The following MCUB variants were observed in gnomAD, a reference collection of about 807,000 sequenced individuals.
MCUB encodes mitochondrial calcium uniporter dominant negative subunit beta.
Under a neutral mutation model 41.4 loss-of-function variants are expected in MCUB, and 46 were observed. The ratio of observed to expected loss-of-function variants is 1.11; its 90% CI spans 0.88 to 1.42. The LOEUF (loss-of-function observed/expected upper bound fraction) is 1.42, where lower values mean the gene tolerates loss of function less well. Ranked by LOEUF, MCUB falls within the 40% of genes most tolerant of loss-of-function variation. The pLI is 0.00. For synonymous variants in MCUB, 148 were observed against 148.2 expected, an observed-to-expected ratio of 1.00 and a Z score of 0.01; for missense variants, 403 against 404.9, an observed-to-expected ratio of 1.00 and a Z score of 0.04.
chr4:109,656,383 T>G lies in MCUB; in HGVS notation c.100-2628T>G, dbSNP rs1029699479. ...TTTTTTTTTTTTTTTTTTTTTTTTT[T>G]TTTTTTTTTGGAGACAGGGTTTCCC... On this transcript the variant is annotated intron_variant, in intron 1 of 7. Coordinates refer to ENST00000394650, the MANE Select transcript of MCUB (RefSeq NM_017918.5). Among the ~76,000 whole-genome samples, 25 of 31,218 alleles carry G rather than the reference T, an allele frequency of 8.0e-4. 1 individual carries two copies. The highest frequency in any genetic ancestry group is 4.7e-3 in the African/African-American group (25 of 5,306). 20.5% of individuals were successfully genotyped at this position (31,218 alleles called of 152,430 possible). A position where few individuals can be genotyped will look rare whatever the true frequency, so the allele number is the denominator to read the frequency against.
At chr4:109,607,226 TTTC>T (rs869031386) in intron 1 of MCUB, among the ~76,000 whole-genome samples, 1 of 150,474 alleles carries the variant, frequency 6.6e-6, no homozygotes, top group African/African-American at 2.4e-5. Flanking sequence ...TCTTTCTTTC[TTTC>T]TTTTCTTCTC....
At chr4:109,664,843 T>C (rs191470411) in intron 4 of MCUB, among the ~76,000 whole-genome samples, 2 of 152,276 alleles carry the variant, frequency 1.3e-5, no homozygotes, top group East Asian at 3.9e-4. Flanking sequence ...GATTTTACTT[T>C]AGGATCTTGA....
intron 1 of MCUB, among the ~76,000 whole-genome samples, chr4:109,614,467 G>A (rs1728084221): frequency 6.6e-6 from 1 of 151,790 alleles, no homozygotes; most frequent in African/African-American, 2.4e-5. Flanking sequence ...TCCTCTTTCT[G>A]CACTCCGCTA....
rs145354934 is a variant in MCUB at position 109,584,025 on chromosome 4, T to C, written c.99+23589T>C. 1.9e-3 allele frequency among the ~76,000 whole-genome samples: 297 copies of C among 152,328 alleles called. 2 individuals are homozygous for C. Among genetic ancestry groups the C allele is most frequent in the African/African-American group, 6.6e-3 (273 of 41,582 alleles). On this transcript the variant is annotated intron_variant, in intron 1 of 7. Coordinates refer to ENST00000394650, the MANE Select transcript of MCUB (RefSeq NM_017918.5). ...ATTGTAATAGTTTCAGAAGGAATGG[T>C]ACCAGCTCTTCTTTGTACCTCTGGT...
intron 1 of MCUB, among the ~76,000 whole-genome samples, chr4:109,617,600 A>C (rs1015506546): frequency 1.3e-5 from 2 of 152,204 alleles, no homozygotes; most frequent in African/African-American, 4.8e-5. Context: ...TCAAAGTATC[A>C]TTGTCATGAA....
rs373333512 is a variant in MCUB at position 109,653,147 on chromosome 4, C to T, written c.100-5864C>T. Reference sequence around the variant, plus strand: ...ATCCCAGCACTTTGGGAGGCTGAGGCGGGCGGATCGCGAGGTTAGGAGTTC... The same window carrying T: ...ATCCCAGCACTTTGGGAGGCTGAGGTGGGCGGATCGCGAGGTTAGGAGTTC... On this transcript the variant is annotated intron_variant, in intron 1 of 7. Coordinates refer to ENST00000394650, the MANE Select transcript of MCUB (RefSeq NM_017918.5). Among the ~76,000 whole-genome samples the T allele has an allele frequency of 2.3e-4, 35 of 152,188 alleles. No homozygotes were observed. The East Asian group carries it at 2.7e-3, about 12-fold the overall frequency.
chr4:109,628,769 T>C (rs1165073643), intron 1 of MCUB, among the ~76,000 whole-genome samples: 1 of 152,196 alleles, frequency 6.6e-6, no homozygotes, highest in Non-Finnish European at 1.5e-5. Flanking sequence ...TGAGCTTTTC[T>C]TGAGAGAGGG....
chr4:109,567,726 T>C (rs1221466338), intron 1 of MCUB, among the ~76,000 whole-genome samples: 1 of 150,380 alleles, frequency 6.6e-6, no homozygotes, highest in Non-Finnish European at 1.5e-5. Flanking sequence ...TGAGATGGAG[T>C]CTTGCTCTGT....
chr4:109,582,016 A>G (rs2126126818), intron 1 of MCUB, among the ~76,000 whole-genome samples: 1 of 152,298 alleles, frequency 6.6e-6, no homozygotes, highest in East Asian at 1.9e-4. Context: ...TGACCCAGCC[A>G]TCCCATTGCT....
At chr4:109,680,583 T>C (rs948433347) in intron 4 of MCUB, among the ~76,000 whole-genome samples, 1 of 151,282 alleles carries the variant, frequency 6.6e-6, no homozygotes, top group Non-Finnish European at 1.5e-5. Context: ...ACAAAAGGAC[T>C]CTGACTCTTC....
At chr4:109,630,006 C>G (rs1442851105) in intron 1 of MCUB, among the ~76,000 whole-genome samples, 1 of 152,186 alleles carries the variant, frequency 6.6e-6, no homozygotes. Context: ...TACCTAGGAG[C>G]TGGCAGCTAT....
At chr4:109,653,575 A>G in intron 1 of MCUB, among the ~76,000 whole-genome samples, 1 of 151,986 alleles carries the variant, frequency 6.6e-6, no homozygotes, top group Non-Finnish European at 1.5e-5. Context: ...AATTTAGGCT[A>G]TTAAGGTGGG....
At chr4:109,610,705 A>T (rs1727992060) in intron 1 of MCUB, among the ~76,000 whole-genome samples, 1 of 152,220 alleles carries the variant, frequency 6.6e-6, no homozygotes, top group African/African-American at 2.4e-5. Flanking sequence ...TTATGCGAAC[A>T]TCAGAGTGTA....
Position 109,641,384 on chromosome 4 carries a change from G to A in MCUB, c.100-17627G>A, listed in dbSNP as rs1243267231. Reference sequence around the variant, plus strand: ...CTCCCAAAGTGCTGGGATTACAGGCGTGAGTCACCGCACCCGGCCTAACAC... The same window carrying A: ...CTCCCAAAGTGCTGGGATTACAGGCATGAGTCACCGCACCCGGCCTAACAC... On this transcript the variant is annotated intron_variant, in intron 1 of 7. Coordinates refer to ENST00000394650, the MANE Select transcript of MCUB (RefSeq NM_017918.5). Among the ~76,000 whole-genome samples the A allele has an allele frequency of 2.6e-5, 4 of 151,566 alleles. No homozygotes were observed. The South Asian group carries it at 6.2e-4, about 24-fold the overall frequency.
At chr4:109,592,136 G>A (rs1214207176) in intron 1 of MCUB, among the ~76,000 whole-genome samples, 1 of 151,964 alleles carries the variant, frequency 6.6e-6, no homozygotes, top group Non-Finnish European at 1.5e-5. Context: ...GCTGGGCATG[G>A]TGACTCACGC....
chr4:109,576,787 T>C (rs1727041260), intron 1 of MCUB, among the ~76,000 whole-genome samples: 1 of 152,124 alleles, frequency 6.6e-6, no homozygotes, highest in Non-Finnish European at 1.5e-5. Flanking sequence ...ATGGGCAAGA[T>C]GAAGGGGTTG....
chr4:109,560,336 G>A lies in MCUB; in HGVS notation c.-2G>A. On this transcript the variant is annotated 5_prime_UTR_variant, in exon 1 of 8. Coordinates refer to ENST00000394650, the MANE Select transcript of MCUB (RefSeq NM_017918.5). ...CGGGAGCCGCGCGCCTGGGGCGGGA[G>A]GATGCTCCAGAGGGGCCTCTGGCCG... 3.2e-6 allele frequency: 4 copies of A among 1,261,278 alleles called. No individual in the cohort carries two copies. Among genetic ancestry groups the A allele is most frequent in the East Asian group, 3.2e-5 (1 of 31,468 alleles). The allele number at this position is 1,261,278 out of a possible 1,614,324, so 78.1% of individuals were successfully genotyped here.
intron 1 of MCUB, among the ~76,000 whole-genome samples, chr4:109,585,497 T>A (rs1727286112): frequency 6.6e-6 from 1 of 152,202 alleles, no homozygotes; most frequent in African/African-American, 2.4e-5. Flanking sequence ...CATTATGATG[T>A]TAGCTGGTTA....
chr4:109,660,402 G>T, intron 3 of MCUB, 37 bp downstream of exon 3: 1 of 1,259,840 alleles, frequency 7.9e-7, no homozygotes, highest in Non-Finnish European at 1.1e-6. Flanking sequence ...TTGTCCCAGG[G>T]TTTCTGTCTC....
Sources: allele counts gnomAD v4.1 joint callset (sites outside exome capture counted in the v4.1 genomes callset), GRCh38; gene constraint gnomAD v4.1.1; transcripts MANE v1.5; gene names NCBI Gene and HGNC (gene_info 2026-07-23, HGNC 2026-07-21).